AMOTL1: variants seen among roughly 807,000 people sequenced by gnomAD.
The protein encoded by AMOTL1 is angiomotin like 1.
AMOTL1 carries 45 observed loss-of-function variants against 102.9 expected under a neutral mutation model. That is an observed-to-expected ratio of 0.44 (90% CI 0.34 to 0.56). AMOTL1 has a LOEUF of 0.56. AMOTL1 is among the 20% of genes least tolerant of loss of function. The pLI, the probability that AMOTL1 is intolerant of heterozygous loss-of-function variation, is 0.01. For missense variants in AMOTL1, 1,114 were observed against 1,225.6 expected, an observed-to-expected ratio of 0.91 and a Z score of 1.36; for synonymous variants, 481 against 484.7, an observed-to-expected ratio of 0.99 and a Z score of 0.10.
intron 1 of AMOTL1, among the ~76,000 whole-genome samples, chr11:94,711,242 A>C (rs1338530708): frequency 1.3e-5 from 2 of 152,178 alleles, no homozygotes. Flanking sequence ...TTTGTAAACA[A>C]AGAATCATGC....
intron 3 of AMOTL1, among the ~76,000 whole-genome samples, chr11:94,820,777 G>A (rs1278531801): frequency 1.3e-5 from 2 of 151,864 alleles, no homozygotes; most frequent in Non-Finnish European, 2.9e-5. Context: ...AGGTTATCAG[G>A]CATTAGATTA....
At chr11:94,807,940 G>T (rs1202534475) in intron 3 of AMOTL1, among the ~76,000 whole-genome samples, 1 of 131,606 alleles carries the variant, frequency 7.6e-6, no homozygotes, top group East Asian at 2.1e-4. Context: ...TGTGGTTGGA[G>T]AACTACACAT....
At chr11:94,844,947 G>A (rs543066501) in intron 6 of AMOTL1, among the ~76,000 whole-genome samples, 33 of 152,124 alleles carry the variant, frequency 2.2e-4, no homozygotes, top group Non-Finnish European at 3.8e-4. Context: ...TCAAAAATCC[G>A]TTATATCAGA....
intron 3 of AMOTL1, among the ~76,000 whole-genome samples, chr11:94,762,750 C>A (rs1332558235): frequency 1.3e-5 from 2 of 152,170 alleles, no homozygotes; most frequent in Non-Finnish European, 2.9e-5. Flanking sequence ...GGTACAGGTG[C>A]ATTTTCTCTG....
intron 1 of AMOTL1, among the ~76,000 whole-genome samples, chr11:94,774,306 C>G (rs1219948706): frequency 1.3e-5 from 2 of 152,126 alleles, no homozygotes; most frequent in Non-Finnish European, 2.9e-5. Context: ...ATAAAATAAA[C>G]CTTTCTTTGC....
At chr11:94,869,147 A>G in intron 11 of AMOTL1, 51 bp from the exon 12 acceptor site, 3 of 1,489,182 alleles carry the variant, frequency 2.0e-6, no homozygotes, top group Non-Finnish European at 2.7e-6. Context: ...CTAGATTTAA[A>G]AAAAAAAAAA....
intron 1 of AMOTL1, among the ~76,000 whole-genome samples, chr11:94,720,990 A>G (rs2135443619): frequency 6.6e-6 from 1 of 152,272 alleles, no homozygotes; most frequent in African/African-American, 2.4e-5. Context: ...CAACAGGTAT[A>G]AAATTGCTTA....
At chr11:94,750,807 A>G (rs1435575954) in intron 3 of AMOTL1, among the ~76,000 whole-genome samples, 2 of 152,280 alleles carry the variant, frequency 1.3e-5, no homozygotes, top group Admixed American at 1.3e-4. Context: ...CCAACAAAAC[A>G]ATCACAAAAT....
intron 1 of AMOTL1, among the ~76,000 whole-genome samples, chr11:94,708,196 C>T (rs1462956325): frequency 2.0e-5 from 3 of 152,214 alleles, no homozygotes; most frequent in African/African-American, 4.8e-5. Context: ...TAGTATAAGA[C>T]GCTCTAAGCT....
intron 6 of AMOTL1, among the ~76,000 whole-genome samples, chr11:94,844,204 A>G (rs531387043): frequency 1.8e-4 from 28 of 152,308 alleles, no homozygotes; most frequent in Non-Finnish European, 2.9e-4. Context: ...CCAGAGAGAT[A>G]CCTGACTCTC....
At chr11:94,783,562 G>A (rs1161337668) in intron 1 of AMOTL1, among the ~76,000 whole-genome samples, 1 of 152,128 alleles carries the variant, frequency 6.6e-6, no homozygotes, top group Non-Finnish European at 1.5e-5. Context: ...GGTATCATGA[G>A]CCAAAACAAG....
chr11:94,785,455 G>A (rs1355177460), intron 1 of AMOTL1, among the ~76,000 whole-genome samples: 1 of 152,110 alleles, frequency 6.6e-6, no homozygotes, highest in Non-Finnish European at 1.5e-5. Context: ...TAACATCCTG[G>A]CACTAATAAG....
At position 94,798,148 on chromosome 11, in the gene AMOTL1, C is replaced by T. The variant is rs549301682; in HGVS notation, c.200-1242C>T. ...TCTGCCTCTTCCCGCCTGGGGGCCTCGGCAATTTACCTTCTGTGAACATCT... is the reference window on the plus strand; with the variant it reads ...TCTGCCTCTTCCCGCCTGGGGGCCTTGGCAATTTACCTTCTGTGAACATCT... On this transcript the variant is annotated intron_variant, in intron 2 of 12. Transcript: ENST00000433060. 3.3e-5 allele frequency among the ~76,000 whole-genome samples: 5 copies of T among 152,228 alleles called. No homozygotes were observed. The East Asian group carries it at 5.8e-4, about 18-fold the overall frequency.
rs144175737 is a variant in AMOTL1 at position 94,852,760 on chromosome 11, T to A, written c.1795-1173T>A. 2.3e-3 allele frequency among the ~76,000 whole-genome samples: 354 copies of A among 152,276 alleles called. 2 individuals are homozygous for A. The highest frequency in any genetic ancestry group is 8.3e-3 in the African/African-American group (346 of 41,544). ...ATCTCTTCAAGGCCCCAACTACCTA[T>A]CTATAAAGGACTCTGAAATCTTTAG... is the stretch of plus-strand genomic sequence containing the variant. On this transcript the variant is annotated intron_variant, in intron 7 of 12. Transcript: ENST00000433060.
intron 3 of AMOTL1, among the ~76,000 whole-genome samples, chr11:94,811,499 G>GA (rs903712534): frequency 4.6e-4 from 69 of 149,288 alleles, no homozygotes; most frequent in African/African-American, 1.0e-3. Flanking sequence ...CTGCCTCCGA[G>GA]AAAAAAAAAA....
At chr11:94,751,812 G>T (rs899458313) in intron 3 of AMOTL1, among the ~76,000 whole-genome samples, 1 of 149,350 alleles carries the variant, frequency 6.7e-6, no homozygotes, top group African/African-American at 2.5e-5. Context: ...GTGCACACAC[G>T]CACACACACA....
At chr11:94,755,662 G>A (rs1005720288) in intron 3 of AMOTL1, among the ~76,000 whole-genome samples, 1 of 152,182 alleles carries the variant, frequency 6.6e-6, no homozygotes, top group Non-Finnish European at 1.5e-5. Flanking sequence ...CGACAGGGGC[G>A]TGGCTCGCTT....
intron 1 of AMOTL1, among the ~76,000 whole-genome samples, chr11:94,715,301 G>A (rs1950079943): frequency 1.3e-5 from 2 of 152,044 alleles, no homozygotes; most frequent in East Asian, 1.9e-4. Context: ...CTATTATGAT[G>A]AATATTCCAT....
upstream of AMOTL1, among the ~76,000 whole-genome samples, chr11:94,766,799 A>C (rs886456829): frequency 6.6e-6 from 1 of 152,212 alleles, no homozygotes; most frequent in African/African-American, 2.4e-5. Flanking sequence ...GCTATGCCTG[A>C]GCTTCTTCAT....
Sources: gnomAD v4.1 joint callset for allele counts (sites outside exome capture counted in the v4.1 genomes callset) on GRCh38, gnomAD v4.1.1 for gene constraint, MANE v1.5 for transcripts, NCBI Gene and HGNC (gene_info 2026-07-23, HGNC 2026-07-21) for gene names.